TNRC6A: variants seen among roughly 807,000 people sequenced by gnomAD.
TNRC6A encodes the protein trinucleotide repeat-containing gene 6A protein.
In TNRC6A, 44 loss-of-function variants were observed where a neutral mutation model predicts 221.2. The observed-to-expected ratio is 0.20, with a 90% CI of 0.16 to 0.26. TNRC6A has a LOEUF of 0.26. TNRC6A is among the 10% of genes least tolerant of loss of function. The pLI, the probability that TNRC6A is intolerant of heterozygous loss-of-function variation, is 1.00. For synonymous variants in TNRC6A, 847 were observed against 838.5 expected (o/e 1.01, Z -0.18); for missense variants, 2,199 against 2,404.4 (o/e 0.91, Z 1.79).
chr16:24,778,666 T>C (rs2057777489), intron 5 of TNRC6A, among the ~76,000 whole-genome samples: 2 of 152,174 alleles, frequency 1.3e-5, no homozygotes, highest in Admixed American at 1.3e-4. Context: ...CTTAATTACA[T>C]GACATGTTAT....
chr16:24,632,829 T>G (rs1901415944), intron 1 of TNRC6A, among the ~76,000 whole-genome samples: 2 of 151,994 alleles, frequency 1.3e-5, no homozygotes, highest in African/African-American at 4.8e-5. Flanking sequence ...GCCAACATGG[T>G]GAAACCCTGT....
intron 2 of TNRC6A, among the ~76,000 whole-genome samples, chr16:24,650,572 G>A (rs1245737389): frequency 1.3e-5 from 2 of 152,084 alleles, no homozygotes; most frequent in South Asian, 2.1e-4. Context: ...GGCTGAGGCA[G>A]GAGAATCGCT....
At chr16:24,636,831 C>A in intron 1 of TNRC6A, among the ~76,000 whole-genome samples, 1 of 152,134 alleles carries the variant, frequency 6.6e-6, no homozygotes. Context: ...CAGATATTCC[C>A]TATTAATAGA....
intron 1 of TNRC6A, among the ~76,000 whole-genome samples, chr16:24,639,432 G>A (rs966299592): frequency 6.6e-6 from 1 of 152,126 alleles, no homozygotes; most frequent in Admixed American, 6.6e-5. Flanking sequence ...GTTGGAGGCT[G>A]CAGTGAGCTA....
chr16:24,643,102 ATATATAAAATATATATATATAAAATAT>A (rs1275319007), intron 2 of TNRC6A, among the ~76,000 whole-genome samples: 1 of 63,166 alleles, frequency 1.6e-5, no homozygotes, highest in East Asian at 5.8e-4. Context: ...TTTTATATAT[ATATATAAAATATATATATATAAAATAT>A]ATATATATAA....
chr16:24,674,212 G>C (rs2055362053), intron 2 of TNRC6A, among the ~76,000 whole-genome samples: 1 of 152,024 alleles, frequency 6.6e-6, no homozygotes, highest in African/African-American at 2.4e-5. Flanking sequence ...TGGAACTACA[G>C]GCTTGTGCCA....
At chr16:24,643,287 A>G (rs556170277) in intron 2 of TNRC6A, among the ~76,000 whole-genome samples, 4 of 151,502 alleles carry the variant, frequency 2.6e-5, no homozygotes, top group East Asian at 1.9e-4. Context: ...TCCTTTTGTC[A>G]TCAGGAATCC....
At chr16:24,751,382 A>C (rs954011430) in intron 3 of TNRC6A, among the ~76,000 whole-genome samples, 4 of 152,220 alleles carry the variant, frequency 2.6e-5, no homozygotes, top group Admixed American at 2.6e-4. Flanking sequence ...TGCAGTGTAC[A>C]TTAGCCTTAA....
intron 4 of TNRC6A, among the ~76,000 whole-genome samples, chr16:24,766,617 T>C (rs1419437911): frequency 6.6e-6 from 1 of 152,134 alleles, no homozygotes; most frequent in Non-Finnish European, 1.5e-5. Context: ...GTCTTTTTTC[T>C]TTGACTTGTA....
At chr16:24,619,289 A>C (rs1183910030) in intron 1 of TNRC6A, among the ~76,000 whole-genome samples, 2 of 152,164 alleles carry the variant, frequency 1.3e-5, no homozygotes, top group Non-Finnish European at 2.9e-5. Flanking sequence ...ATTAAATTGG[A>C]GAAGGGAAAA....
intron 1 of TNRC6A, among the ~76,000 whole-genome samples, chr16:24,632,821 CA>C (rs1309081415): frequency 1.3e-5 from 2 of 151,988 alleles, no homozygotes; most frequent in Non-Finnish European, 2.9e-5. Context: ...CCAGCTTGGC[CA>C]ACATGGTGAA....
At chr16:24,779,276 G>A (rs2057789994) in intron 5 of TNRC6A, among the ~76,000 whole-genome samples, 1 of 152,156 alleles carries the variant, frequency 6.6e-6, no homozygotes, top group African/African-American at 2.4e-5. Context: ...TGAGGAGGGT[G>A]CAGCAATCTG....
chr16:24,819,467 C>CTTCCT (rs1376338477), intron 21 of TNRC6A: 1 of 149,264 alleles, frequency 6.7e-6, no homozygotes, highest in Non-Finnish European at 1.5e-5. Context: ...TCTGTCTTTC[C>CTTCCT]TTCCTTTCCT....
chr16:24,760,799 C>T (rs1007544331), intron 4 of TNRC6A, among the ~76,000 whole-genome samples: 1 of 152,128 alleles, frequency 6.6e-6, no homozygotes, highest in African/African-American at 2.4e-5. Flanking sequence ...TTCTCATATA[C>T]GCTTCATTCA....
chr16:24,804,971 C>G (rs762560169), intron 13 of TNRC6A, 43 bp from the exon 14 acceptor site: 1 of 1,613,794 alleles, frequency 6.2e-7, no homozygotes, highest in South Asian at 1.1e-5. Context: ...GATGTTTGTC[C>G]CTAAAGAATC....
At chr16:24,651,694 C>CCA (rs1210630504) in intron 2 of TNRC6A, among the ~76,000 whole-genome samples, 5 of 150,150 alleles carry the variant, frequency 3.3e-5, no homozygotes, top group Admixed American at 1.3e-4. Flanking sequence ...CACCCCCTCC[C>CCA]CCCGCCATCT....
intron 11 of TNRC6A, chr16:24,803,469 A>G (rs1369108368): frequency 1.3e-5 from 2 of 152,086 alleles, no homozygotes; most frequent in African/African-American, 4.8e-5. Context: ...GACATAAACC[A>G]GGCATTTATT....
intron 21 of TNRC6A, chr16:24,819,701 A>T: frequency 3.0e-4 from 57 of 187,960 alleles, no homozygotes; most frequent in South Asian, 1.4e-3. Context: ...GCACCCCGTG[A>T]AGATCTCCTT....
chr16:24,747,624 C>G lies in TNRC6A; in HGVS notation c.54-3102C>G, dbSNP rs111787745. 7.9e-5 allele frequency among the ~76,000 whole-genome samples: 12 copies of G among 152,138 alleles called. 1 individual carries two copies. The highest frequency in any genetic ancestry group is 2.7e-4 in the African/African-American group (11 of 41,478). On this transcript the variant is annotated intron_variant, in intron 2 of 24. Transcript: ENST00000395799. ...ACTCCTGGAAGCTGACGTGTTTGGG[C>G]ACAGGTGTTGTTGTTGTTTTTCCAG...
Sources: gnomAD v4.1 joint callset for allele counts (sites outside exome capture counted in the v4.1 genomes callset) on GRCh38, gnomAD v4.1.1 for gene constraint, MANE v1.5 for transcripts, NCBI Gene and HGNC (gene_info 2026-07-23, HGNC 2026-07-21) for gene names.